Variants in AOPEP observed in about 807,000 individuals in gnomAD.
The protein encoded by AOPEP is aminopeptidase O.
Under a neutral mutation model 98.1 loss-of-function variants are expected in AOPEP, and 77 were observed. The observed-to-expected ratio is 0.78, with a 90% CI of 0.65 to 0.95. The LOEUF (loss-of-function observed/expected upper bound fraction) is 0.95. Among genes scored for constraint, AOPEP ranks in the 40% least tolerant of loss-of-function variants. The probability of loss-of-function intolerance (pLI) is 0.00; values close to 1 mark genes in which losing one functional copy is unlikely to be tolerated. For synonymous variants in AOPEP, 346 were observed against 365.3 expected, an observed-to-expected ratio of 0.95 and a Z score of 0.60; for missense variants, 1,024 against 1,024.7, an observed-to-expected ratio of 1.00 and a Z score of 0.01.
the AOPEP span, among the ~76,000 whole-genome samples, chr9:95,138,370 G>T: frequency 4.6e-5 from 7 of 152,202 alleles, no homozygotes; most frequent in Non-Finnish European, 8.8e-5. Flanking sequence ...TTCCATCCAG[G>T]TGGTCAGCCA....
At chr9:95,039,101 CAT>C (rs2065074151) in intron 13 of AOPEP, among the ~76,000 whole-genome samples, 1 of 152,118 alleles carries the variant, frequency 6.6e-6, no homozygotes, top group Non-Finnish European at 1.5e-5. Context: ...CACATGTGAG[CAT>C]GTGTTCAATG....
At chr9:94,988,348 A>G (rs2060651387) in intron 11 of AOPEP, among the ~76,000 whole-genome samples, 1 of 152,156 alleles carries the variant, frequency 6.6e-6, no homozygotes, top group South Asian at 2.1e-4. Flanking sequence ...AGCTTTCACA[A>G]TCTCGGATTA....
intron 2 of AOPEP, among the ~76,000 whole-genome samples, chr9:94,764,171 G>A (rs1206549627): frequency 6.6e-6 from 1 of 152,140 alleles, no homozygotes; most frequent in African/African-American, 2.4e-5. Flanking sequence ...GCATCTTTGT[G>A]GTCTTCCTCG....
intron 5 of AOPEP, among the ~76,000 whole-genome samples, chr9:94,905,713 C>G (rs1292571656): frequency 6.6e-6 from 1 of 152,158 alleles, no homozygotes; most frequent in Non-Finnish European, 1.5e-5. Context: ...CACACTCACA[C>G]TCACAGAGGA....
chr9:94,842,218 T>C (rs1418373663), intron 5 of AOPEP, among the ~76,000 whole-genome samples: 1 of 151,842 alleles, frequency 6.6e-6, no homozygotes, highest in Non-Finnish European at 1.5e-5. Context: ...AAAAATTAGC[T>C]GGGCATGATG....
At chr9:94,981,516 A>G (rs1285362808) in intron 11 of AOPEP, among the ~76,000 whole-genome samples, 1 of 152,120 alleles carries the variant, frequency 6.6e-6, no homozygotes, top group Non-Finnish European at 1.5e-5. Flanking sequence ...GGGTGATCAG[A>G]TGGTGTCTTT....
chr9:94,863,294 T>C (rs1222054241), intron 5 of AOPEP, among the ~76,000 whole-genome samples: 1 of 149,078 alleles, frequency 6.7e-6, no homozygotes, highest in African/African-American at 2.5e-5. Context: ...TTTTTTTTTT[T>C]TTTTGAGACG....
chr9:95,109,104 A>G, the AOPEP span, among the ~76,000 whole-genome samples: 1 of 151,774 alleles, frequency 6.6e-6, no homozygotes, highest in Non-Finnish European at 1.5e-5. Context: ...TTGTAGAGAC[A>G]GGGGTCTATG....
At chr9:94,729,429 G>A (rs72747018) in intron 1 of AOPEP, among the ~76,000 whole-genome samples, 1,815 of 152,116 alleles carry the variant, frequency 0.012, 21 homozygotes, top group South Asian at 0.044. Context: ...AATTAGCCAG[G>A]CATGATGGCA....
At chr9:95,135,372 C>G in the AOPEP span, 3 of 1,614,018 alleles carry the variant, frequency 1.9e-6, no homozygotes, top group Non-Finnish European at 2.5e-6. Context: ...ATAAAGCATT[C>G]GATCCTTCTC....
At chr9:94,840,835 T>C (rs562231699) in intron 5 of AOPEP, among the ~76,000 whole-genome samples, 66 of 152,308 alleles carry the variant, frequency 4.3e-4, no homozygotes, top group African/African-American at 1.5e-3. Flanking sequence ...TTTTTAGTGA[T>C]GATTTCATTC....
intron 11 of AOPEP, among the ~76,000 whole-genome samples, chr9:94,994,914 G>T (rs2061125852): frequency 6.6e-6 from 1 of 152,174 alleles, no homozygotes. Context: ...TCATGCCACT[G>T]CACTCTATCC....
chr9:94,773,526 G>T (rs1050815456), intron 3 of AOPEP, among the ~76,000 whole-genome samples: 2 of 152,112 alleles, frequency 1.3e-5, no homozygotes, highest in Admixed American at 6.5e-5. Context: ...ATTTGTTATG[G>T]TGTCTGTACA....
chr9:95,099,247 C>G, the AOPEP span: 6 of 218,976 alleles, frequency 2.7e-5, no homozygotes, highest in East Asian at 4.0e-4. Flanking sequence ...TTATCAAAAA[C>G]TAAACTATCA....
intron 13 of AOPEP, among the ~76,000 whole-genome samples, chr9:95,009,256 G>A (rs1172687236): frequency 6.6e-6 from 1 of 150,402 alleles, no homozygotes; most frequent in African/African-American, 2.4e-5. Context: ...AAAATTGTGT[G>A]CCATCACAGA....
At chr9:95,134,924 T>C in the AOPEP span, among the ~76,000 whole-genome samples, 1 of 152,242 alleles carries the variant, frequency 6.6e-6, no homozygotes. Flanking sequence ...CTTTAACCAT[T>C]TTTCTGGGGT....
At chr9:94,775,713 G>T (rs150173210) in intron 3 of AOPEP, among the ~76,000 whole-genome samples, 3 of 152,014 alleles carry the variant, frequency 2.0e-5, no homozygotes, top group Non-Finnish European at 4.4e-5. Context: ...AGTGGCTCAC[G>T]CCTGTAATCC....
intron 3 of AOPEP, among the ~76,000 whole-genome samples, chr9:94,787,139 A>G (rs896596494): frequency 6.6e-6 from 1 of 152,230 alleles, no homozygotes; most frequent in Non-Finnish European, 1.5e-5. Flanking sequence ...CAGTTTTAAC[A>G]TATTTTTATT....
chr9:95,139,736 C>G, the AOPEP span, among the ~76,000 whole-genome samples: 1 of 150,684 alleles, frequency 6.6e-6, no homozygotes, highest in Non-Finnish European at 1.5e-5. Flanking sequence ...GGTATGGCTA[C>G]CAGAATTACT....
Sources: allele counts gnomAD v4.1 joint callset (sites outside exome capture counted in the v4.1 genomes callset), GRCh38; gene constraint gnomAD v4.1.1; transcripts MANE v1.5; gene names NCBI Gene and HGNC (gene_info 2026-07-23, HGNC 2026-07-21).